PPM1H: variants seen among roughly 807,000 people sequenced by gnomAD.
The protein encoded by PPM1H is protein phosphatase 1H.
Under a neutral mutation model 54.9 loss-of-function variants are expected in PPM1H, and 27 were observed. That is an observed-to-expected ratio of 0.49 (90% CI 0.36 to 0.68). The LOEUF is 0.68. Ranked by LOEUF, PPM1H falls within the 30% of genes least tolerant of loss-of-function variation. PPM1H has a pLI of 0.00. For synonymous variants in PPM1H, 305 were observed against 270.8 expected (o/e 1.13, Z -1.24); for missense variants, 596 against 667.8 (o/e 0.89, Z 1.19).
intron 2 of PPM1H, among the ~76,000 whole-genome samples, chr12:62,829,036 G>A (rs11174681): frequency 1.3e-5 from 2 of 151,950 alleles, no homozygotes; most frequent in East Asian, 3.9e-4. Context: ...TGTGAAAAAC[G>A]GTGGTAGTCC....
intron 5 of PPM1H, among the ~76,000 whole-genome samples, chr12:62,723,226 A>C (rs940899869): frequency 1.7e-4 from 26 of 152,170 alleles, no homozygotes; most frequent in Admixed American, 7.2e-4. Context: ...CTAGCCTGGA[A>C]AAAGGTCAAA....
At chr12:62,728,846 C>A (rs1258217973) in intron 5 of PPM1H, among the ~76,000 whole-genome samples, 1 of 152,192 alleles carries the variant, frequency 6.6e-6, no homozygotes, top group African/African-American at 2.4e-5. Context: ...GGCTGAGCAC[C>A]AGCCTGCCAG....
intron 4 of PPM1H, among the ~76,000 whole-genome samples, chr12:62,775,628 C>T (rs1354145912): frequency 6.6e-6 from 1 of 152,154 alleles, no homozygotes; most frequent in Non-Finnish European, 1.5e-5. Flanking sequence ...TACACACACA[C>T]ACATACACAC....
At chr12:62,912,125 T>C (rs537166984) in intron 1 of PPM1H, among the ~76,000 whole-genome samples, 2 of 152,178 alleles carry the variant, frequency 1.3e-5, no homozygotes, top group South Asian at 2.1e-4. Context: ...CGCAAAAAAG[T>C]GGTGATTATA....
intron 6 of PPM1H, among the ~76,000 whole-genome samples, chr12:62,702,655 G>A (rs557196755): frequency 1.3e-5 from 2 of 152,192 alleles, no homozygotes; most frequent in African/African-American, 2.4e-5. Context: ...CGAGAGGAAC[G>A]TGATCCCCTC....
intron 5 of PPM1H, among the ~76,000 whole-genome samples, chr12:62,726,337 C>T (rs983000962): frequency 1.3e-5 from 2 of 152,028 alleles, no homozygotes; most frequent in Admixed American, 1.3e-4. Flanking sequence ...CTTATATGCA[C>T]ACATGTTTAC....
At chr12:62,852,295 C>G (rs954949730) in intron 1 of PPM1H, among the ~76,000 whole-genome samples, 22 of 150,266 alleles carry the variant, frequency 1.5e-4, no homozygotes, top group Non-Finnish European at 2.4e-4. Context: ...AAGGTGGAGC[C>G]CTGGTGAATG....
At chr12:62,725,160 C>T (rs973173924) in intron 5 of PPM1H, among the ~76,000 whole-genome samples, 4 of 152,196 alleles carry the variant, frequency 2.6e-5, no homozygotes, top group South Asian at 2.1e-4. Context: ...CAAACTCCTC[C>T]GCACAATTAG....
At chr12:62,917,316 C>G (rs1355577706) in intron 1 of PPM1H, among the ~76,000 whole-genome samples, 1 of 152,352 alleles carries the variant, frequency 6.6e-6, no homozygotes, top group South Asian at 2.1e-4. Context: ...CCTCAGGTCA[C>G]CCACCTACAG....
chr12:62,832,049 T>C, intron 2 of PPM1H, 65 bp downstream of exon 2: 2 of 1,555,692 alleles, frequency 1.3e-6, no homozygotes, highest in Non-Finnish European at 1.8e-6. Flanking sequence ...CCTAATGTCT[T>C]CCAGTGGGAC....
In PPM1H at chr12:62,755,724, C is replaced by T. The variant is rs2076469640; in HGVS notation, c.870-18138G>A. The T allele has an allele frequency of 7.9e-5, 57 of 717,554 alleles. 1 individual carries two copies. In the South Asian group the frequency reaches 9.2e-4, roughly 12 times the overall value. The allele number at this position is 717,554 out of a possible 1,614,324, so 44.4% of individuals were successfully genotyped here. A position where few individuals can be genotyped will look rare whatever the true frequency, so the allele number is the denominator to read the frequency against. On this transcript the variant is annotated intron_variant, in intron 4 of 9. Transcript: ENST00000228705. Reference sequence around the variant, plus strand: ...CTCTGGCCAAGGTTATCCATGACAACTCCGGTATCGTGGAAGGACTCATGA... The same window carrying T: ...CTCTGGCCAAGGTTATCCATGACAATTCCGGTATCGTGGAAGGACTCATGA...
intron 6 of PPM1H, among the ~76,000 whole-genome samples, chr12:62,700,710 G>A (rs556877376): frequency 6.6e-6 from 1 of 152,314 alleles, no homozygotes; most frequent in East Asian, 1.9e-4. Context: ...CCAGGTGGAT[G>A]GCAGTGAGAG....
intron 1 of PPM1H, among the ~76,000 whole-genome samples, chr12:62,915,348 G>C (rs1871588282): frequency 3.3e-5 from 5 of 152,264 alleles, no homozygotes; most frequent in Admixed American, 3.3e-4. Flanking sequence ...ACCTTCAGGA[G>C]TTCTGCTGTC....
chr12:62,670,134 C>T lies in PPM1H; in HGVS notation c.1246-2805G>A, dbSNP rs183236698. Among the ~76,000 whole-genome samples the T allele has an allele frequency of 1.1e-4, 17 of 151,814 alleles. 1 individual carries two copies. The East Asian group carries it at 1.6e-3, about 14-fold the overall frequency. ...CTGGGATTACAGGCATGTGCCACCA[C>T]GCCCGGCTAATTTTGTATTTTTAGT... On this transcript the variant is annotated intron_variant, in intron 8 of 9. Coordinates refer to ENST00000228705, the MANE Select transcript of PPM1H (RefSeq NM_020700.2).
intron 2 of PPM1H, among the ~76,000 whole-genome samples, chr12:62,831,333 GCAGA>G (rs755294139): frequency 4.6e-5 from 7 of 152,054 alleles, no homozygotes; most frequent in African/African-American, 9.7e-5. Flanking sequence ...TCATCTGCTG[GCAGA>G]CAGAGTGTCA....
At chr12:62,777,028 C>T (rs1325588778) in intron 4 of PPM1H, among the ~76,000 whole-genome samples, 1 of 152,060 alleles carries the variant, frequency 6.6e-6, no homozygotes, top group East Asian at 1.9e-4. Context: ...GAGTATGATC[C>T]CATCCAACAT....
intron 6 of PPM1H, among the ~76,000 whole-genome samples, chr12:62,695,228 C>T (rs2076107242): frequency 6.6e-6 from 1 of 152,116 alleles, no homozygotes; most frequent in South Asian, 2.1e-4. Context: ...AGGTGTCCTT[C>T]CCATGGGGTG....
At chr12:62,801,305 C>A (rs780574076) in intron 3 of PPM1H, among the ~76,000 whole-genome samples, 7 of 151,198 alleles carry the variant, frequency 4.6e-5, no homozygotes, top group Non-Finnish European at 8.8e-5. Flanking sequence ...CACTGTCCCC[C>A]TCTTTCATCT....
intron 4 of PPM1H, among the ~76,000 whole-genome samples, chr12:62,780,795 G>C (rs533685147): frequency 2.0e-5 from 3 of 151,802 alleles, no homozygotes; most frequent in African/African-American, 7.3e-5. Context: ...GTGTGGGCTC[G>C]AGTGGGCAAA....
Sources: allele counts gnomAD v4.1 joint callset (sites outside exome capture counted in the v4.1 genomes callset), GRCh38; gene constraint gnomAD v4.1.1; transcripts MANE v1.5; gene names NCBI Gene and HGNC (gene_info 2026-07-23, HGNC 2026-07-21).